DNAJC3: variants seen among roughly 807,000 people sequenced by gnomAD.
DNAJC3 encodes the protein dnaJ homolog subfamily C member 3.
A neutral mutation model predicts 68.6 loss-of-function variants in DNAJC3; 38 were observed. That is an observed-to-expected ratio of 0.55 (90% CI 0.43 to 0.73). The LOEUF is 0.73. Among genes scored for constraint, DNAJC3 ranks in the 30% least tolerant of loss-of-function variants. The pLI is 0.00. For missense variants in DNAJC3, 526 were observed against 591.9 expected (o/e 0.89, Z 1.16); for synonymous variants, 203 against 204.0 (o/e 1.00, Z 0.04).
At chr13:95,788,839 T>TA (rs1883678158) in intron 11 of DNAJC3, among the ~76,000 whole-genome samples, 1 of 152,212 alleles carries the variant, frequency 6.6e-6, no homozygotes, top group Non-Finnish European at 1.5e-5. Context: ...ATATCAAAGA[T>TA]ATGGGGCCTG....
chr13:95,721,452 T>C (rs1881319382), intron 2 of DNAJC3, among the ~76,000 whole-genome samples: 1 of 152,230 alleles, frequency 6.6e-6, no homozygotes, highest in South Asian at 2.1e-4. Flanking sequence ...CTGGCCCACA[T>C]TGTAATTTTA....
At chr13:95,718,297 A>G (rs1373478053) in intron 2 of DNAJC3, among the ~76,000 whole-genome samples, 1 of 152,258 alleles carries the variant, frequency 6.6e-6, no homozygotes, top group African/African-American at 2.4e-5. Flanking sequence ...TTCACTTGCT[A>G]CTTCATGCAC....
chr13:95,740,020 TC>T (rs1385459164), intron 4 of DNAJC3, among the ~76,000 whole-genome samples: 10 of 152,146 alleles, frequency 6.6e-5, no homozygotes, highest in African/African-American at 2.4e-4. Context: ...TTGTTAGTTT[TC>T]CTTCTAACAG....
At chr13:95,683,767 A>G (rs1316632946) in intron 1 of DNAJC3, among the ~76,000 whole-genome samples, 1 of 151,356 alleles carries the variant, frequency 6.6e-6, no homozygotes, top group Non-Finnish European at 1.5e-5. Flanking sequence ...TCTACTAAAA[A>G]TACAAAAAAA....
intron 1 of DNAJC3, among the ~76,000 whole-genome samples, chr13:95,688,580 A>G (rs921149603): frequency 2.0e-5 from 3 of 150,134 alleles, no homozygotes; most frequent in African/African-American, 7.4e-5. Flanking sequence ...CAGTGGCTCT[A>G]TCTCGGCTCA....
At chr13:95,727,285 G>A (rs1881562328) in intron 4 of DNAJC3, among the ~76,000 whole-genome samples, 1 of 151,970 alleles carries the variant, frequency 6.6e-6, no homozygotes, top group East Asian at 1.9e-4. Flanking sequence ...TTGGGCATTG[G>A]ATGTTTCTTC....
chr13:95,739,264 C>T (rs1882042597), intron 4 of DNAJC3, among the ~76,000 whole-genome samples: 2 of 151,938 alleles, frequency 1.3e-5, no homozygotes, highest in South Asian at 4.2e-4. Flanking sequence ...ACATTTTTTC[C>T]TTCATTTCAA....
Position 95,723,161 on chromosome 13 carries a change from A to G in DNAJC3, c.194-81A>G, listed in dbSNP as rs1881392668. The stretch of plus-strand genomic sequence containing the variant: ...CATCTTAGTAGAGTTGCAAGTGCTG[A>G]TACTGTCCAGGTGATTTGTTTTTTT... On this transcript the variant is annotated intron_variant, in intron 2 of 11. Coordinates refer to ENST00000602402, the MANE Select transcript of DNAJC3 (RefSeq NM_006260.5). 6 of 1,314,780 alleles carry G rather than the reference A, an allele frequency of 4.6e-6. No homozygotes were observed. In the South Asian group the frequency reaches 7.7e-5, roughly 17 times the overall value. The allele number at this position is 1,314,780 out of a possible 1,614,324, so 81.4% of individuals were successfully genotyped here.
intron 4 of DNAJC3, among the ~76,000 whole-genome samples, chr13:95,757,004 G>A (rs997043350): frequency 6.6e-6 from 1 of 152,126 alleles, no homozygotes; most frequent in Non-Finnish European, 1.5e-5. Context: ...CATTTGAAAT[G>A]AGCAATTTTA....
intron 2 of DNAJC3, among the ~76,000 whole-genome samples, chr13:95,714,726 T>G (rs1487138721): frequency 6.6e-6 from 1 of 152,258 alleles, no homozygotes; most frequent in Admixed American, 6.5e-5. Flanking sequence ...CAATTTAAAT[T>G]CTTTTCAGTT....
chr13:95,723,201 T>C (rs1222970256), intron 2 of DNAJC3, 41 bp from the exon 3 acceptor site: 2 of 1,532,892 alleles, frequency 1.3e-6, no homozygotes. Context: ...ATTTTTATTT[T>C]TGAATAAATG....
intron 1 of DNAJC3, among the ~76,000 whole-genome samples, chr13:95,689,604 A>G (rs1232552775): frequency 1.3e-5 from 2 of 149,152 alleles, no homozygotes; most frequent in East Asian, 2.0e-4. Context: ...CATTTAGTTC[A>G]TTCTGATCTT....
At chr13:95,774,567 A>C (rs1051534967) in intron 9 of DNAJC3, among the ~76,000 whole-genome samples, 1 of 152,154 alleles carries the variant, frequency 6.6e-6, no homozygotes, top group African/African-American at 2.4e-5. Flanking sequence ...AGTTGTTAAG[A>C]TCTTTGATAA....
chr13:95,742,916 A>G (rs1317334558), intron 4 of DNAJC3: 4 of 469,716 alleles, frequency 8.5e-6, no homozygotes, highest in Admixed American at 2.3e-5. Context: ...TTTGTGTTTT[A>G]TTTTTAAGCC....
intron 1 of DNAJC3, among the ~76,000 whole-genome samples, chr13:95,679,166 T>G (rs960503292): frequency 4.6e-5 from 7 of 150,546 alleles, no homozygotes; most frequent in African/African-American, 1.5e-4. Context: ...CCAAGCACTT[T>G]TAAGTGATGG....
intron 2 of DNAJC3, among the ~76,000 whole-genome samples, chr13:95,719,795 C>G (rs542651722): frequency 2.6e-5 from 4 of 152,158 alleles, no homozygotes; most frequent in African/African-American, 7.2e-5. Flanking sequence ...TGTATGTAGA[C>G]AATTTTTGTG....
At position 95,786,040 on chromosome 13, in the gene DNAJC3, C is replaced by T. The variant is rs1131691593; in HGVS notation, c.1177C>T (p.Arg393Ter). 17 of 1,606,464 alleles carry T rather than the reference C, an allele frequency of 1.1e-5. No individual in the cohort carries two copies. The highest frequency in any genetic ancestry group is 1.3e-5 in the Non-Finnish European group (15 of 1,177,512). The change falls in exon 10 of 12, where the codon CGA becomes TGA. Residue 393 changes from arginine to a stop codon, truncating the protein, a stop_gained. Coordinates refer to ENST00000602402, the MANE Select transcript of DNAJC3 (RefSeq NM_006260.5). LOFTEE classifies it high-confidence loss of function. ...AAGATTATTGAAACAGTCGCAGAAA[C>T]GAGATTATTATAAAATCTTGGGAGT... is the stretch of plus-strand genomic sequence containing the variant. ...AQRLLKQSQK[R>*]DYYKILGVKR...
intron 1 of DNAJC3, among the ~76,000 whole-genome samples, chr13:95,679,482 G>C (rs185065904): frequency 5.3e-5 from 8 of 152,226 alleles, no homozygotes; most frequent in African/African-American, 1.9e-4. Context: ...CACTGGATTT[G>C]GTGATAGGGA....
At chr13:95,678,740 A>G (rs542673046) in intron 1 of DNAJC3, among the ~76,000 whole-genome samples, 182 of 151,114 alleles carry the variant, frequency 1.2e-3, no homozygotes, top group Non-Finnish European at 2.3e-3. Flanking sequence ...TTTTTTTTTT[A>G]AGTTACAGAG....
Sources: allele counts gnomAD v4.1 joint callset (sites outside exome capture counted in the v4.1 genomes callset), GRCh38; gene constraint gnomAD v4.1.1; transcripts MANE v1.5; gene names NCBI Gene and HGNC (gene_info 2026-07-23, HGNC 2026-07-21).